Variants in CCDC73 observed in about 807,000 individuals in gnomAD.
CCDC73 encodes the protein coiled-coil domain-containing protein 73.
CCDC73 carries 95 observed loss-of-function variants against 116.5 expected under a neutral mutation model. The observed-to-expected ratio is 0.82, with a 90% CI of 0.69 to 0.97. The LOEUF (loss-of-function observed/expected upper bound fraction) is 0.97, where lower values mean the gene tolerates loss of function less well. Ranked by LOEUF, CCDC73 falls within the 50% of genes least tolerant of loss-of-function variation. The pLI is 0.00. For synonymous variants in CCDC73, 398 were observed against 401.3 expected (o/e 0.99, Z 0.10); for missense variants, 1,066 against 1,206.8 (o/e 0.88, Z 1.73).
chr11:32,622,731 G>A (rs1030210126), intron 14 of CCDC73, among the ~76,000 whole-genome samples: 1 of 150,542 alleles, frequency 6.6e-6, no homozygotes, highest in South Asian at 2.1e-4. Context: ...GGCGGGGTGG[G>A]GGGGAATGGT....
At position 32,676,111 on chromosome 11, in the gene CCDC73, A is replaced by G. The variant is rs1219645598; in HGVS notation, c.430-90T>C. On this transcript the variant is annotated intron_variant, in intron 7 of 17. Transcript: ENST00000335185. ...TATGTAAAATATATTGTGGTAAACC[A>G]CTGTTGTTAGTAATATAACATAAAT... is the stretch of plus-strand genomic sequence containing the variant. 11 of 1,050,462 alleles carry G rather than the reference A, an allele frequency of 1.0e-5. No individual in the cohort carries two copies. The African/African-American group carries it at 1.8e-4, about 17-fold the overall frequency. The allele number at this position is 1,050,462 out of a possible 1,614,324, so 65.1% of individuals were successfully genotyped here. A position where few individuals can be genotyped will look rare whatever the true frequency, so the allele number is the denominator to read the frequency against.
At chr11:32,694,237 G>A (rs1014419700) in intron 6 of CCDC73, among the ~76,000 whole-genome samples, 1 of 152,152 alleles carries the variant, frequency 6.6e-6, no homozygotes, top group Non-Finnish European at 1.5e-5. Context: ...CAAAATCAAT[G>A]TGCAAAAATC....
intron 9 of CCDC73, among the ~76,000 whole-genome samples, chr11:32,672,123 C>T (rs188461000): frequency 1.4e-4 from 21 of 152,236 alleles, no homozygotes; most frequent in Admixed American, 5.9e-4. Context: ...GGGCAGATCA[C>T]TTGAGGTCAG....
At chr11:32,716,567 T>C (rs960037984) in intron 3 of CCDC73, among the ~76,000 whole-genome samples, 2 of 152,206 alleles carry the variant, frequency 1.3e-5, no homozygotes, top group Non-Finnish European at 1.5e-5. Context: ...ATTGGATTTA[T>C]TTATTTATTT....
At chr11:32,739,396 T>C (rs775892806) in intron 2 of CCDC73, among the ~76,000 whole-genome samples, 1 of 152,138 alleles carries the variant, frequency 6.6e-6, no homozygotes, top group Non-Finnish European at 1.5e-5. Context: ...TAGTTTTCAT[T>C]GTAGAGAGCA....
At chr11:32,682,470 C>T (rs1324480208) in intron 7 of CCDC73, 1 of 151,898 alleles carries the variant, frequency 6.6e-6, no homozygotes, top group East Asian at 1.9e-4. Flanking sequence ...TATTTTCTAA[C>T]ACACCAAACA....
At chr11:32,665,457 C>T (rs1243705542) in intron 9 of CCDC73, among the ~76,000 whole-genome samples, 4 of 152,086 alleles carry the variant, frequency 2.6e-5, no homozygotes, top group Non-Finnish European at 5.9e-5. Context: ...TAAAGTCTGT[C>T]TTATCAGAGA....
chr11:32,661,682 C>A (rs1590576453), intron 9 of CCDC73, among the ~76,000 whole-genome samples: 1 of 150,126 alleles, frequency 6.7e-6, no homozygotes, highest in Non-Finnish European at 1.5e-5. Context: ...GCCACATTTT[C>A]TTTATTTTAT....
chr11:32,610,297 T>C (rs1322617692), intron 17 of CCDC73, among the ~76,000 whole-genome samples: 1 of 152,150 alleles, frequency 6.6e-6, no homozygotes, highest in African/African-American at 2.4e-5. Flanking sequence ...AAAATGTGAT[T>C]TGGGTGGGGA....
At chr11:32,653,334 T>A in intron 11 of CCDC73, 107 bp from the exon 12 acceptor site, 2 of 636,178 alleles carry the variant, frequency 3.1e-6, no homozygotes, top group East Asian at 3.0e-5. Context: ...GTATTTATAG[T>A]TTAATTTCAA....
intron 2 of CCDC73, among the ~76,000 whole-genome samples, chr11:32,755,777 ATATATATATATCTCCATATATGTG>A (rs1565094287): frequency 1.3e-4 from 15 of 116,482 alleles, no homozygotes; most frequent in African/African-American, 4.2e-4. Context: ...ATATATGTGT[ATATATATATATCTCCATATATGTG>A]TATATATATA....
the CCDC73 span, chr11:32,830,397 G>C: frequency 1.0e-6 from 1 of 978,106 alleles, no homozygotes. Flanking sequence ...CGCGCCGGGC[G>C]CTCTTGCGCC....
chr11:32,795,822 T>TG (rs913625185), upstream of CCDC73, among the ~76,000 whole-genome samples: 1 of 152,004 alleles, frequency 6.6e-6, no homozygotes, highest in African/African-American at 2.4e-5. Context: ...CCCGAGTAGC[T>TG]GGGATTACAG....
At chr11:32,828,539 A>G in the CCDC73 span, among the ~76,000 whole-genome samples, 5 of 152,032 alleles carry the variant, frequency 3.3e-5, no homozygotes, top group African/African-American at 1.2e-4. Context: ...TGAAGGGGGA[A>G]AAAATGTTTC....
the CCDC73 span, among the ~76,000 whole-genome samples, chr11:32,823,627 G>GAA: frequency 2.9e-4 from 40 of 139,998 alleles, no homozygotes; most frequent in Admixed American, 7.8e-4. Context: ...AGCAAAATTG[G>GAA]AAAAAAAAAA....
intron 16 of CCDC73, among the ~76,000 whole-genome samples, chr11:32,612,440 T>C (rs552736480): frequency 6.6e-6 from 1 of 152,002 alleles, no homozygotes; most frequent in Non-Finnish European, 1.5e-5. Context: ...TAGTATGTTT[T>C]TATTTTTAAA....
intron 1 of CCDC73, among the ~76,000 whole-genome samples, chr11:32,792,509 T>C (rs534176270): frequency 3.2e-4 from 49 of 152,258 alleles, no homozygotes; most frequent in African/African-American, 1.0e-3. Flanking sequence ...CCAAGAGTAT[T>C]TTTGGCCACA....
chr11:32,663,834 A>C (rs915662926), intron 9 of CCDC73, among the ~76,000 whole-genome samples: 1 of 152,048 alleles, frequency 6.6e-6, no homozygotes, highest in Non-Finnish European at 1.5e-5. Flanking sequence ...AATAGCTCTT[A>C]TTATTTTGAG....
At chr11:32,785,443 C>A (rs1850619643) in intron 1 of CCDC73, among the ~76,000 whole-genome samples, 1 of 151,942 alleles carries the variant, frequency 6.6e-6, no homozygotes, top group Non-Finnish European at 1.5e-5. Flanking sequence ...ACTCTGTCAC[C>A]CAGGCTGGAA....
Sources: gnomAD v4.1 joint callset for allele counts (sites outside exome capture counted in the v4.1 genomes callset) on GRCh38, gnomAD v4.1.1 for gene constraint, MANE v1.5 for transcripts, NCBI Gene and HGNC (gene_info 2026-07-23, HGNC 2026-07-21) for gene names.